ZNRF3: variants seen among roughly 807,000 people sequenced by gnomAD.
The protein encoded by ZNRF3 is zinc and ring finger 3.
ZNRF3 carries 23 observed loss-of-function variants against 72.5 expected under a neutral mutation model. The ratio of observed to expected loss-of-function variants is 0.32; its 90% CI spans 0.23 to 0.45. The LOEUF (loss-of-function observed/expected upper bound fraction) is 0.45. Among genes scored for constraint, ZNRF3 ranks in the 20% least tolerant of loss-of-function variants. ZNRF3 has a pLI of 1.00. For missense variants in ZNRF3, 1,169 were observed against 1,272.1 expected (o/e 0.92, Z 1.23); for synonymous variants, 610 against 545.3 (o/e 1.12, Z -1.65).
chr22:28,981,759 GTC>G lies in ZNRF3; in HGVS notation c.301-5316_301-5315del, dbSNP rs2035768012. ...TGCCTGTAATCCCAGCGTTTTGGGA[GTC>G]CAAGGCGGGTGGATCACCTGAGGTC... On this transcript the variant is annotated intron_variant, in intron 1 of 8. Transcript: ENST00000544604. Among the ~76,000 whole-genome samples, 5 of 152,312 alleles carry G rather than the reference GTC, an allele frequency of 3.3e-5. No individual in the cohort carries two copies. The South Asian group carries it at 1.0e-3, about 32-fold the overall frequency.
chr22:28,963,936 G>C (rs1262600006), intron 1 of ZNRF3, among the ~76,000 whole-genome samples: 2 of 152,132 alleles, frequency 1.3e-5, no homozygotes. Context: ...GCCAGAGACG[G>C]ATGGTTAAAA....
intron 2 of ZNRF3, among the ~76,000 whole-genome samples, chr22:28,991,610 T>C (rs571122514): frequency 2.6e-5 from 4 of 152,156 alleles, no homozygotes; most frequent in Non-Finnish European, 5.9e-5. Flanking sequence ...CCATCACATG[T>C]TGGGTGCTCG....
At chr22:28,940,947 A>G (rs761943936) in intron 1 of ZNRF3, among the ~76,000 whole-genome samples, 4 of 152,050 alleles carry the variant, frequency 2.6e-5, no homozygotes, top group Non-Finnish European at 5.9e-5. Flanking sequence ...AAGCACTTTG[A>G]TCACCCTCCT....
chr22:28,984,304 C>T (rs538341196), intron 1 of ZNRF3, among the ~76,000 whole-genome samples: 11 of 152,260 alleles, frequency 7.2e-5, no homozygotes, highest in African/African-American at 2.6e-4. Flanking sequence ...TGAACAGTCA[C>T]TCCTTATTTG....
At chr22:28,956,053 G>A (rs2035254696) in intron 1 of ZNRF3, among the ~76,000 whole-genome samples, 1 of 152,164 alleles carries the variant, frequency 6.6e-6, no homozygotes, top group African/African-American at 2.4e-5. Flanking sequence ...ATCTGGTTGA[G>A]GGAGAGGTGG....
chr22:28,980,321 C>G (rs2035743784), intron 1 of ZNRF3, among the ~76,000 whole-genome samples: 1 of 152,132 alleles, frequency 6.6e-6, no homozygotes, highest in Admixed American at 6.5e-5. Flanking sequence ...GATTTCCCCA[C>G]TAAACAATAT....
In ZNRF3 at chr22:28,937,174, AATATATATATAT is replaced by A. The variant is rs61520434; in HGVS notation, c.301-49871_301-49860del. On this transcript the variant is annotated intron_variant, in intron 1 of 8. Coordinates refer to ENST00000544604, the MANE Select transcript of ZNRF3 (RefSeq NM_001206998.2). ...CGCTGCCAACCTACTTCTCTCTTAT[AATATATATATAT>A]ATATATATATATATATATATATATA... is the stretch of plus-strand genomic sequence containing the variant. 7.7e-3 allele frequency among the ~76,000 whole-genome samples: 605 copies of A among 78,144 alleles called. 4 individuals carry two copies. The highest frequency in any genetic ancestry group is 0.014 in the African/African-American group (217 of 15,252). The allele number at this position is 78,144 out of a possible 152,430, so 51.3% of individuals were successfully genotyped here.
At chr22:28,963,467 G>A (rs531727399) in intron 1 of ZNRF3, among the ~76,000 whole-genome samples, 100 of 152,232 alleles carry the variant, frequency 6.6e-4, no homozygotes, top group African/African-American at 2.4e-3. Context: ...AGGAGAGGGG[G>A]GTAGGGAGGG....
chr22:29,043,640 G>C (rs1166468213), intron 4 of ZNRF3, among the ~76,000 whole-genome samples: 1 of 152,160 alleles, frequency 6.6e-6, no homozygotes, highest in African/African-American at 2.4e-5. Flanking sequence ...ACCAGAAATA[G>C]ATACTTTTGT....
intron 2 of ZNRF3, among the ~76,000 whole-genome samples, chr22:28,988,295 C>T (rs559374323): frequency 6.6e-6 from 1 of 152,220 alleles, no homozygotes; most frequent in African/African-American, 2.4e-5. Context: ...GGTTCCTAAC[C>T]TCTTGAGGCT....
chr22:28,961,357 G>A (rs911956884), intron 1 of ZNRF3, among the ~76,000 whole-genome samples: 1 of 152,192 alleles, frequency 6.6e-6, no homozygotes, highest in Non-Finnish European at 1.5e-5. Context: ...AGAGCTATTG[G>A]TTGACATCCC....
At chr22:28,936,919 C>T (rs1227593693) in intron 1 of ZNRF3, among the ~76,000 whole-genome samples, 2 of 151,998 alleles carry the variant, frequency 1.3e-5, no homozygotes, top group African/African-American at 2.4e-5. Context: ...CTACCTGGAC[C>T]ATGGAACGGG....
In ZNRF3 at chr22:29,041,166, G is replaced by T. The variant is rs893484591; in HGVS notation, c.427-1329G>T. On this transcript the variant is annotated intron_variant, in intron 2 of 8. Coordinates refer to ENST00000544604, the MANE Select transcript of ZNRF3 (RefSeq NM_001206998.2). ...TATGTATGTATGTATATATTTTGTG[G>T]AGACAGGGTCTTGCTCTGTCACTCA... Among the ~76,000 whole-genome samples the T allele has an allele frequency of 3.3e-5, 5 of 152,106 alleles. No individual in the cohort carries two copies. The East Asian group carries it at 7.7e-4, about 24-fold the overall frequency.
intron 1 of ZNRF3, among the ~76,000 whole-genome samples, chr22:28,959,139 G>C (rs2035310779): frequency 6.6e-6 from 1 of 152,260 alleles, no homozygotes; most frequent in Non-Finnish European, 1.5e-5. Flanking sequence ...AAACAAGAAA[G>C]TACAAGGCCA....
intron 1 of ZNRF3, among the ~76,000 whole-genome samples, chr22:28,944,920 C>A (rs1177401522): frequency 7.5e-6 from 1 of 133,144 alleles, no homozygotes; most frequent in Non-Finnish European, 1.6e-5. Context: ...AGCGAGACTC[C>A]GTCTCCAAAT....
chr22:28,950,736 A>G (rs541735521), intron 1 of ZNRF3, among the ~76,000 whole-genome samples: 1 of 152,364 alleles, frequency 6.6e-6, no homozygotes, highest in East Asian at 1.9e-4. Context: ...GTGGCTGGCA[A>G]TGACCTCATT....
At chr22:28,970,534 C>T (rs556763966) in intron 1 of ZNRF3, among the ~76,000 whole-genome samples, 1 of 152,178 alleles carries the variant, frequency 6.6e-6, no homozygotes, top group Non-Finnish European at 1.5e-5. Flanking sequence ...GAAATAAAAA[C>T]ATTTGTCTAC....
chr22:29,048,330 G>T lies in ZNRF3; in HGVS notation c.913-59G>T. Reference sequence around the variant, plus strand: ...AACTCCTTGGTCTATGCTGGACTCTGCAGGAGGACACACCTGCGAGGCTGA... The same window carrying T: ...AACTCCTTGGTCTATGCTGGACTCTTCAGGAGGACACACCTGCGAGGCTGA... On this transcript the variant is annotated intron_variant, in intron 6 of 8. Coordinates refer to ENST00000544604, the MANE Select transcript of ZNRF3 (RefSeq NM_001206998.2). This position sits in a 1 kb window ranked among gnomAD's most constrained non-coding sequence, Gnocchi z 4.9. 2 of 1,469,286 alleles carry T rather than the reference G, an allele frequency of 1.4e-6. No homozygotes were observed. The highest frequency in any genetic ancestry group is 2.3e-5 in the South Asian group (2 of 85,794). 91.0% of individuals were successfully genotyped at this position (1,469,286 alleles called of 1,614,324 possible).
chr22:28,891,097 G>A (rs2033878094), intron 1 of ZNRF3, among the ~76,000 whole-genome samples: 1 of 152,162 alleles, frequency 6.6e-6, no homozygotes, highest in African/African-American at 2.4e-5. Context: ...AGTCTGGAGA[G>A]TTTGGATTTC....
Sources: allele counts gnomAD v4.1 joint callset (sites outside exome capture counted in the v4.1 genomes callset), GRCh38; gene constraint gnomAD v4.1.1; non-coding constraint Gnocchi (gnomAD v3.1); transcripts MANE v1.5; gene names NCBI Gene and HGNC (gene_info 2026-07-23, HGNC 2026-07-21).